ABCA3: variants seen among roughly 807,000 people sequenced by gnomAD.
The protein encoded by ABCA3 is ATP binding cassette subfamily A member 3.
In ABCA3, 88 loss-of-function variants were observed where a neutral mutation model predicts 172.8. The observed-to-expected ratio is 0.51, with a 90% CI of 0.43 to 0.61. ABCA3 has a LOEUF of 0.61. Among genes scored for constraint, ABCA3 ranks in the 20% least tolerant of loss-of-function variants. The pLI, the probability that ABCA3 is intolerant of heterozygous loss-of-function variation, is 0.00. For synonymous variants in ABCA3, 1,066 were observed against 983.8 expected, an observed-to-expected ratio of 1.08 and a Z score of -1.56; for missense variants, 2,164 against 2,301.0, an observed-to-expected ratio of 0.94 and a Z score of 1.22.
intron 1 of ABCA3, among the ~76,000 whole-genome samples, chr16:2,336,715 C>T (rs1396140992): frequency 1.3e-5 from 2 of 150,034 alleles, no homozygotes; most frequent in African/African-American, 4.9e-5. Context: ...GCTAGGATTA[C>T]AGGCGTGAGC....
At chr16:2,296,194 T>C (rs1006581972) in intron 17 of ABCA3, among the ~76,000 whole-genome samples, 1 of 151,634 alleles carries the variant, frequency 6.6e-6, no homozygotes, top group Admixed American at 6.6e-5. Flanking sequence ...GCATCTCACC[T>C]CTTTCCCAAC....
intron 12 of ABCA3, among the ~76,000 whole-genome samples, chr16:2,302,116 A>T (rs1376834653): frequency 6.6e-6 from 1 of 152,260 alleles, no homozygotes; most frequent in East Asian, 1.9e-4. Flanking sequence ...GAATATCTAT[A>T]GAAACAATGC....
Position 2,277,904 on chromosome 16 carries a change from C to A in ABCA3, c.4884G>T (p.Lys1628Asn). 6.2e-7 allele frequency: 1 copy of A among 1,610,274 alleles called. No homozygotes were observed. Among genetic ancestry groups the A allele is most frequent in the Non-Finnish European group, 8.5e-7 (1 of 1,179,990 alleles). Residue 1628 changes from lysine to asparagine, a missense_variant, in exon 31 of 33, where the codon AAG (lysine) becomes AAT (asparagine). Lys to Asn is a moderately conservative substitution (Grantham distance 94). Around this residue, in one of 3 missense-constraint regions of ABCA3, gnomAD observed 795 missense variants for 881.9 expected, o/e 0.90. Transcript: ENST00000301732. The surrounding 1 kb of genome is among the most constrained non-coding windows in gnomAD (Gnocchi z 5.3). ...EGQQEALEEFKAFVDLTFPGS... is the reference protein window; with the variant it reads ...EGQQEALEEFNAFVDLTFPGS... ...CTGGAAAGGTCAGGTCCACGAAGGC[C>A]TTGAACTCCTCCAGCGCCTCCTGTT... is the stretch of plus-strand genomic sequence containing the variant.
At chr16:2,338,452 T>C (rs1390770142) in intron 1 of ABCA3, among the ~76,000 whole-genome samples, 4 of 152,198 alleles carry the variant, frequency 2.6e-5, no homozygotes, top group Non-Finnish European at 5.9e-5. Flanking sequence ...GCCTGCACAA[T>C]GGAATTTTCC....
intron 1 of ABCA3, among the ~76,000 whole-genome samples, chr16:2,338,751 C>CTT (rs34719364): frequency 0.014 from 1,737 of 121,562 alleles, 109 homozygotes; most frequent in African/African-American, 0.053. Flanking sequence ...TCCAATTCAT[C>CTT]TTTTTTTTTT....
At chr16:2,320,155 G>C (rs186235483) in intron 7 of ABCA3, among the ~76,000 whole-genome samples, 21 of 151,810 alleles carry the variant, frequency 1.4e-4, no homozygotes, top group African/African-American at 5.1e-4. Context: ...CTGGAGTGCA[G>C]TGGCGCGATC....
chr16:2,311,628 T>C (rs1198396503), intron 10 of ABCA3, among the ~76,000 whole-genome samples: 1 of 152,042 alleles, frequency 6.6e-6, no homozygotes, highest in Non-Finnish European at 1.5e-5. Flanking sequence ...GTTCAAGCAA[T>C]TCCCTGCCTC....
intron 18 of ABCA3, among the ~76,000 whole-genome samples, 160 bp from the exon 19 acceptor site, chr16:2,292,398 G>A (rs1324332537): frequency 2.6e-5 from 4 of 152,104 alleles, no homozygotes; most frequent in Admixed American, 2.0e-4. Flanking sequence ...TCAGGAGTTC[G>A]ATACCAGTCT....
rs77392348 is a variant in ABCA3, at chr16:2,278,546, C to T, written c.4548-88G>A. The T allele has an allele frequency of 5.9e-6, 9 of 1,514,700 alleles. No individual in the cohort carries two copies. The East Asian group carries it at 1.1e-4, about 19-fold the overall frequency. The allele number at this position is 1,514,700 out of a possible 1,614,324, so 93.8% of individuals were successfully genotyped here. A position where few individuals can be genotyped will look rare whatever the true frequency, so the allele number is the denominator to read the frequency against. On this transcript the variant is annotated intron_variant, in intron 29 of 32. Transcript: ENST00000301732. The surrounding 1 kb of genome is among the most constrained non-coding windows in gnomAD (Gnocchi z 4.4). Reference sequence around the variant, plus strand: ...CCAGTGGAGGCCCGTGTCCCAGCAGCGGCCCACACCCAGCAATTGCAGAAC... The same window carrying T: ...CCAGTGGAGGCCCGTGTCCCAGCAGTGGCCCACACCCAGCAATTGCAGAAC...
At chr16:2,323,076 A>T (rs1171371020) in intron 7 of ABCA3, among the ~76,000 whole-genome samples, 2 of 152,268 alleles carry the variant, frequency 1.3e-5, no homozygotes, top group Admixed American at 6.5e-5. Flanking sequence ...ACTGGCCATC[A>T]GAGAAATGCA....
chr16:2,336,325 A>C (rs576065244), intron 1 of ABCA3, among the ~76,000 whole-genome samples: 54 of 152,334 alleles, frequency 3.5e-4, no homozygotes, highest in African/African-American at 1.2e-3. Flanking sequence ...GGGTAAATGA[A>C]ATTGAAAAAC....
At position 2,297,783 on chromosome 16, in the gene ABCA3, G is replaced by A. The variant is rs1382863676; in HGVS notation, c.2035C>T (p.Leu679Phe). ...MRRKLSIGIA[L>F]IAGSKVLILD... ...CGCCACACCTTGGAGCCTGCGATGAGGGCGATGCCGATGGAGAGCTTGCGC... is the reference window on the plus strand; with the variant it reads ...CGCCACACCTTGGAGCCTGCGATGAAGGCGATGCCGATGGAGAGCTTGCGC... Residue 679 changes from leucine to phenylalanine, a missense_variant, in exon 16 of 33, where the codon CTC becomes TTC. Leu to Phe is a conservative substitution (Grantham distance 22). Coordinates refer to ENST00000301732, the MANE Select transcript of ABCA3 (RefSeq NM_001089.3). This position sits in a 1 kb window ranked among gnomAD's most constrained non-coding sequence, Gnocchi z 5.6. The A allele has an allele frequency of 3.7e-6, 6 of 1,612,526 alleles. No individual in the cohort carries two copies. The highest frequency in any genetic ancestry group is 4.2e-6 in the Non-Finnish European group (5 of 1,180,050).
intron 1 of ABCA3, among the ~76,000 whole-genome samples, chr16:2,330,155 G>A (rs986917996): frequency 4.6e-5 from 7 of 151,622 alleles, no homozygotes; most frequent in Non-Finnish European, 5.9e-5. Flanking sequence ...AATTAGCCAG[G>A]TGTGGTGACG....
In ABCA3 at chr16:2,278,939, G is replaced by A. The variant is rs1161209867; in HGVS notation, c.4547+4C>T. The A allele has an allele frequency of 2.5e-6, 4 of 1,613,336 alleles. No homozygotes were observed. Among genetic ancestry groups the A allele is most frequent in the Non-Finnish European group, 2.5e-6 (3 of 1,180,042 alleles). ...TGGGAAGGGCCAGGGCTCGGGAGGT[G>A]CACCTGTACGTCCTGACCAGCTTGT... On this transcript the variant is annotated splice_donor_region_variant and intron_variant, in intron 29 of 32. Coordinates refer to ENST00000301732, the MANE Select transcript of ABCA3 (RefSeq NM_001089.3). The surrounding 1 kb of genome is among the most constrained non-coding windows in gnomAD (Gnocchi z 4.4).
chr16:2,339,644 C>G (rs926513815), intron 1 of ABCA3, among the ~76,000 whole-genome samples: 2 of 152,220 alleles, frequency 1.3e-5, no homozygotes, highest in Non-Finnish European at 2.9e-5. Context: ...CGCGGGGTCT[C>G]GGCTACTCAC....
chr16:2,284,776 C>G lies in ABCA3; in HGVS notation c.3703+3G>C. The G allele has an allele frequency of 6.2e-7, 1 of 1,613,102 alleles. No individual in the cohort carries two copies. Among genetic ancestry groups the G allele is most frequent in the Non-Finnish European group, 8.5e-7 (1 of 1,179,758 alleles). On this transcript the variant is annotated splice_donor_region_variant and intron_variant, in intron 24 of 32. Transcript: ENST00000301732. The surrounding 1 kb of genome is among the most constrained non-coding windows in gnomAD (Gnocchi z 5.9). ...GGGCTGCGGGTGGTCTCCAGGTGCC[C>G]ACCTGGGATGCGCATGATGGTGACC...
rs143985974 is a variant in ABCA3 at position 2,326,440 on chromosome 16, G to A, written c.27C>T (p.Leu9=). MAVLRQLA[L]LLWKNYTLQK... ...GCAGGGTGTAGTTCTTCCAGAGGAG[G>A]AGCGCCAGCTGCCTGAGCACAGCCA... The change falls in exon 4 of 33, where the codon CTC becomes CTT. Residue 9 remains leucine (L), a synonymous_variant. Coordinates refer to ENST00000301732, the MANE Select transcript of ABCA3 (RefSeq NM_001089.3). 8 of 1,612,538 alleles carry A rather than the reference G, an allele frequency of 5.0e-6. No homozygotes were observed. The Admixed American group carries it at 6.7e-5, about 13-fold the overall frequency.
At chr16:2,339,607 G>A (rs1051627131) in intron 1 of ABCA3, among the ~76,000 whole-genome samples, 1 of 152,174 alleles carries the variant, frequency 6.6e-6, no homozygotes, top group Non-Finnish European at 1.5e-5. Flanking sequence ...CCTCTCCCAC[G>A]TGCTCCCTGC....
chr16:2,317,336 A>G lies in ABCA3; in HGVS notation c.1058T>C (p.Phe353Ser). Residue 353 changes from phenylalanine to serine, a missense_variant, in exon 10 of 33, where the codon TTC (phenylalanine) becomes TCC (serine). Around this residue, in one of 3 missense-constraint regions of ABCA3, gnomAD observed 1,343 missense variants for 1,369.6 expected, o/e 0.98. Transcript: ENST00000301732. ...GCTGAAGGAGATGGTAGAGATGGCG[A>G]AGCACAGCAGGAAGGCGAGCACCAG... Reference protein sequence around the residue: ...PSLVLAFLLCFAISTISFSFM... With the variant: ...PSLVLAFLLCSAISTISFSFM... 6.2e-7 allele frequency: 1 copy of G among 1,614,092 alleles called. No individual in the cohort carries two copies. The highest frequency in any genetic ancestry group is 8.5e-7 in the Non-Finnish European group (1 of 1,180,026).
Sources: gnomAD v4.1 joint callset for allele counts (sites outside exome capture counted in the v4.1 genomes callset) on GRCh38, gnomAD v4.1.1 for gene constraint, gnomAD v4.1.1 regional missense constraint, Gnocchi (gnomAD v3.1) non-coding constraint, MANE v1.5 for transcripts, NCBI Gene and HGNC (gene_info 2026-07-23, HGNC 2026-07-21) for gene names.